The following KIAA1958 variants were observed in gnomAD, a reference collection of about 807,000 sequenced individuals.
KIAA1958 encodes the protein KIAA1958, also known as uncharacterized protein KIAA1958.
Under a neutral mutation model 47.2 loss-of-function variants are expected in KIAA1958, and 14 were observed. That is an observed-to-expected ratio of 0.30 (90% confidence interval 0.20 to 0.46). KIAA1958 has a LOEUF of 0.46. KIAA1958 is among the 20% of genes least tolerant of loss of function. The pLI, the probability that KIAA1958 is intolerant of heterozygous loss-of-function variation, is 1.00. For synonymous variants in KIAA1958, 354 were observed against 353.3 expected, an observed-to-expected ratio of 1.00 and a Z score of -0.02; for missense variants, 803 against 909.2, an observed-to-expected ratio of 0.88 and a Z score of 1.50.
intron 2 of KIAA1958, among the ~76,000 whole-genome samples, chr9:112,580,860 GTT>G (rs1564180140): frequency 6.6e-6 from 1 of 151,716 alleles, no homozygotes. Context: ...TTTTCCTGTA[GTT>G]TCCTGAAGGA....
chr9:112,554,934 A>C (rs1835216115), intron 1 of KIAA1958, among the ~76,000 whole-genome samples: 1 of 152,214 alleles, frequency 6.6e-6, no homozygotes, highest in Admixed American at 6.5e-5. Context: ...AAGAAAAAAG[A>C]GTTAAAATCT....
intron 2 of KIAA1958, among the ~76,000 whole-genome samples, chr9:112,631,940 A>G (rs1836717432): frequency 6.6e-6 from 1 of 152,232 alleles, no homozygotes; most frequent in Non-Finnish European, 1.5e-5. Context: ...GGCTTAAAGA[A>G]CATCCTTGAG....
intron 1 of KIAA1958, among the ~76,000 whole-genome samples, chr9:112,558,685 T>A (rs528583034): frequency 6.6e-6 from 1 of 152,264 alleles, no homozygotes; most frequent in African/African-American, 2.4e-5. Context: ...TGACTCACCA[T>A]CTCTCATCTG....
At chr9:112,645,295 G>A (rs1836957404) in intron 2 of KIAA1958, among the ~76,000 whole-genome samples, 1 of 152,150 alleles carries the variant, frequency 6.6e-6, no homozygotes, top group South Asian at 2.1e-4. Flanking sequence ...GATTGTTGTT[G>A]TTGATAGAAA....
intron 3 of KIAA1958, among the ~76,000 whole-genome samples, chr9:112,652,931 A>G (rs912486733): frequency 6.6e-6 from 1 of 152,200 alleles, no homozygotes; most frequent in African/African-American, 2.4e-5. Context: ...ACCCATGGTT[A>G]CATAGTGCCA....
At position 112,618,890 on chromosome 9, in the gene KIAA1958, T is replaced by C; in HGVS notation, c.1172-26760T>C. On this transcript the variant is annotated intron_variant, in intron 2 of 3. Coordinates refer to ENST00000337530, the MANE Select transcript of KIAA1958 (RefSeq NM_133465.4). This position sits in a 1 kb window ranked among gnomAD's most constrained non-coding sequence, Gnocchi z 7.1. ...TGGCAATTTCATCGTCTCCGCCTCC[T>C]ATGACTCTTCCTCAGACACCGCTTG... 6.5e-7 allele frequency: 1 copy of C among 1,544,520 alleles called. No homozygotes were observed. Among genetic ancestry groups the C allele is most frequent in the Non-Finnish European group, 8.8e-7 (1 of 1,142,344 alleles).
intron 2 of KIAA1958, among the ~76,000 whole-genome samples, chr9:112,622,908 A>T (rs1836535045): frequency 6.6e-6 from 1 of 152,228 alleles, no homozygotes; most frequent in African/African-American, 2.4e-5. Context: ...CACATGAAAT[A>T]GTCCCTGCTC....
intron 1 of KIAA1958, among the ~76,000 whole-genome samples, chr9:112,528,136 C>G (rs1834692402): frequency 6.6e-6 from 1 of 152,096 alleles, no homozygotes; most frequent in Admixed American, 6.5e-5. Context: ...TCCCTGCCCC[C>G]ATGTCTCCAG....
intron 1 of KIAA1958, among the ~76,000 whole-genome samples, chr9:112,566,951 G>A (rs1320798889): frequency 6.6e-6 from 1 of 152,036 alleles, no homozygotes; most frequent in African/African-American, 2.4e-5. Flanking sequence ...TTATTTCGAT[G>A]ATTAATAATA....
At chr9:112,640,649 T>C (rs982571315) in intron 2 of KIAA1958, among the ~76,000 whole-genome samples, 3 of 152,194 alleles carry the variant, frequency 2.0e-5, no homozygotes, top group Non-Finnish European at 4.4e-5. Context: ...GCAAATGCCT[T>C]AAGAGAAAAA....
chr9:112,518,838 G>A (rs1204375139), intron 1 of KIAA1958, among the ~76,000 whole-genome samples: 1 of 150,678 alleles, frequency 6.6e-6, no homozygotes, highest in East Asian at 1.9e-4. Flanking sequence ...GATGCTGGTA[G>A]AAACCAAATA....
intron 2 of KIAA1958, among the ~76,000 whole-genome samples, chr9:112,641,599 T>C (rs892593417): frequency 6.6e-6 from 1 of 152,110 alleles, no homozygotes; most frequent in Non-Finnish European, 1.5e-5. Flanking sequence ...ACTTTTCTTA[T>C]ATTATTTGTT....
At chr9:112,597,916 A>G (rs1171252899) in intron 2 of KIAA1958, among the ~76,000 whole-genome samples, 2 of 152,220 alleles carry the variant, frequency 1.3e-5, no homozygotes, top group Non-Finnish European at 2.9e-5. Context: ...AGTGCCTGCT[A>G]TTCATTTCTT....
chr9:112,517,637 T>A (rs530872306), intron 1 of KIAA1958, among the ~76,000 whole-genome samples: 7 of 152,294 alleles, frequency 4.6e-5, no homozygotes, highest in African/African-American at 1.7e-4. Flanking sequence ...GAAGATACTA[T>A]TAAGAGAATA....
chr9:112,549,717 C>CT (rs1835107916), intron 1 of KIAA1958, among the ~76,000 whole-genome samples: 1 of 152,176 alleles, frequency 6.6e-6, no homozygotes, highest in African/African-American at 2.4e-5. Flanking sequence ...AGAAATGAGT[C>CT]TAAGTCAGTG....
chr9:112,524,743 T>C (rs1834611339), intron 1 of KIAA1958, among the ~76,000 whole-genome samples: 1 of 152,212 alleles, frequency 6.6e-6, no homozygotes, highest in South Asian at 2.1e-4. Context: ...TTTTTAATTA[T>C]ATTTAATTTT....
rs149686613 is a variant in KIAA1958, at chr9:112,489,522, T to G, written c.-25+2404T>G. The stretch of plus-strand genomic sequence containing the variant: ...GTAGATAAGAATTTTTTGTTTTTTG[T>G]GTAATTAGCAATAATATTTTAGTGT... On this transcript the variant is annotated intron_variant, in intron 1 of 3. Transcript: ENST00000337530. 3.7e-3 allele frequency among the ~76,000 whole-genome samples: 566 copies of G among 151,944 alleles called. 3 individuals carry two copies. The highest frequency in any genetic ancestry group is 9.3e-3 in the Admixed American group (142 of 15,246).
intron 1 of KIAA1958, among the ~76,000 whole-genome samples, chr9:112,545,829 T>TTTTG (rs1564166954): frequency 0.014 from 1,995 of 147,704 alleles, 52 homozygotes; most frequent in African/African-American, 0.047. Context: ...TTCTTTGTTT[T>TTTTG]TTTTTTTTTT....
intron 1 of KIAA1958, among the ~76,000 whole-genome samples, chr9:112,540,532 C>T (rs910442877): frequency 6.6e-6 from 1 of 152,056 alleles, no homozygotes; most frequent in African/African-American, 2.4e-5. Flanking sequence ...AAAAACTCCA[C>T]CAGAATGTTT....
Sources: gnomAD v4.1 joint callset for allele counts (sites outside exome capture counted in the v4.1 genomes callset) on GRCh38, gnomAD v4.1.1 for gene constraint, Gnocchi (gnomAD v3.1) non-coding constraint, MANE v1.5 for transcripts, NCBI Gene and HGNC (gene_info 2026-07-23, HGNC 2026-07-21) for gene names.